The following FBLN7 variants were observed in gnomAD, a reference collection of about 807,000 sequenced individuals.
The protein encoded by FBLN7 is fibulin-7.
FBLN7 carries 31 observed loss-of-function variants against 44.0 expected under a neutral mutation model. That is an observed-to-expected ratio of 0.70 (90% CI 0.53 to 0.95). The LOEUF (loss-of-function observed/expected upper bound fraction) is 0.95, where lower values mean the gene tolerates loss of function less well. FBLN7 is among the 40% of genes least tolerant of loss of function. The probability of loss-of-function intolerance (pLI) is 0.00; values close to 1 mark genes in which losing one functional copy is unlikely to be tolerated. For missense variants in FBLN7, 573 were observed against 618.5 expected (o/e 0.93, Z 0.78); for synonymous variants, 262 against 253.4 (o/e 1.03, Z -0.32).
At chr2:112,226,073 C>T in the FBLN7 span, among the ~76,000 whole-genome samples, 2 of 151,020 alleles carry the variant, frequency 1.3e-5, no homozygotes, top group African/African-American at 2.4e-5. Context: ...CAGAGCAAGA[C>T]TTCATCTCAA....
At chr2:112,180,712 A>G (rs551202573) in intron 4 of FBLN7, among the ~76,000 whole-genome samples, 17 of 152,208 alleles carry the variant, frequency 1.1e-4, no homozygotes, top group Middle Eastern at 3.4e-3. Context: ...CGAAGTCAGG[A>G]GATCAAGACC....
At position 112,165,015 on chromosome 2, in the gene FBLN7, C is replaced by G. The variant is rs1220195064; in HGVS notation, c.250C>G (p.Leu84Val). 3 of 1,614,152 alleles carry G rather than the reference C, an allele frequency of 1.9e-6. No homozygotes were observed. In the Admixed American group the frequency reaches 5.0e-5, roughly 27 times the overall value. Residue 84 changes from leucine (L) to valine (V), a missense_variant, in exon 3 of 8, where the codon CTG (leucine) becomes GTG (valine). Physicochemically the swap from Leu to Val is conservative, Grantham distance 32. Transcript: ENST00000331203. ...PDALPVSCPALNTPADGRKFG... is the reference protein window; with the variant it reads ...PDALPVSCPAVNTPADGRKFG... ...TCTCCTTACAGTTTCCTGCCCGGCTCTGAACACCCCCGCAGACGGCAGAAA... is the reference window on the plus strand; with the variant it reads ...TCTCCTTACAGTTTCCTGCCCGGCTGTGAACACCCCCGCAGACGGCAGAAA...
At chr2:112,228,550 A>G in the FBLN7 span, among the ~76,000 whole-genome samples, 1 of 152,156 alleles carries the variant, frequency 6.6e-6, no homozygotes, top group Non-Finnish European at 1.5e-5. Flanking sequence ...CATGTAAAAA[A>G]AAGTTTTGCC....
At chr2:112,225,138 CTT>C in the FBLN7 span, among the ~76,000 whole-genome samples, 3 of 152,034 alleles carry the variant, frequency 2.0e-5, no homozygotes, top group Non-Finnish European at 4.4e-5. Flanking sequence ...TTTCCTGAGA[CTT>C]TGCTGAATTT....
chr2:112,203,310 C>T, the FBLN7 span, among the ~76,000 whole-genome samples: 5 of 152,162 alleles, frequency 3.3e-5, no homozygotes, highest in Admixed American at 3.3e-4. Flanking sequence ...TCTATGAAGA[C>T]TGGAAGACTC....
chr2:112,185,475 T>C, intron 7 of FBLN7, 136 bp downstream of exon 7: 1 of 1,211,090 alleles, frequency 8.3e-7, no homozygotes. Context: ...GAGGCTGGTG[T>C]CTCTGAATTT....
chr2:112,213,946 ATT>A, the FBLN7 span: 12 of 134,744 alleles, frequency 8.9e-5, no homozygotes, highest in East Asian at 4.3e-4. Context: ...CCACTTAAGA[ATT>A]TTTTTTTTTT....
chr2:112,146,774 T>C (rs1407466086), intron 1 of FBLN7, among the ~76,000 whole-genome samples: 1 of 152,212 alleles, frequency 6.6e-6, no homozygotes, highest in African/African-American at 2.4e-5. Flanking sequence ...TACTTCTTCC[T>C]TTTTAATGTA....
At chr2:112,204,938 A>C in the FBLN7 span, among the ~76,000 whole-genome samples, 1 of 152,160 alleles carries the variant, frequency 6.6e-6, no homozygotes, top group Non-Finnish European at 1.5e-5. Context: ...GACACTGTTA[A>C]ATTTTACCTT....
the FBLN7 span, among the ~76,000 whole-genome samples, chr2:112,196,374 C>CTTTTTTTTTTTTT: frequency 1.6e-5 from 1 of 63,256 alleles, no homozygotes; most frequent in Non-Finnish European, 2.8e-5. Context: ...TCTTCTTCTT[C>CTTTTTTTTTTTTT]TTTTTTTTTT....
chr2:112,171,450 A>G (rs1199394389), intron 3 of FBLN7, among the ~76,000 whole-genome samples: 1 of 152,124 alleles, frequency 6.6e-6, no homozygotes, highest in Admixed American at 6.5e-5. Context: ...AGAAGGGAGC[A>G]GAGCTTCAGT....
intron 3 of FBLN7, 79 bp from the exon 4 acceptor site, chr2:112,175,635 C>T (rs1682701909): frequency 1.3e-6 from 2 of 1,545,898 alleles, no homozygotes; most frequent in Admixed American, 1.7e-5. Flanking sequence ...AGGAAGTTAA[C>T]CCTTCATCAG....
chr2:112,191,762 A>G (rs1683498649), downstream of FBLN7, among the ~76,000 whole-genome samples: 2 of 152,218 alleles, frequency 1.3e-5, no homozygotes, highest in Admixed American at 6.5e-5. Context: ...CCAAACTAGA[A>G]TCAGGATTTA....
At chr2:112,218,761 A>G in the FBLN7 span, among the ~76,000 whole-genome samples, 1 of 152,192 alleles carries the variant, frequency 6.6e-6, no homozygotes, top group African/African-American at 2.4e-5. Context: ...GGCTATTATT[A>G]GTTATGATTT....
chr2:112,211,120 T>C, the FBLN7 span, among the ~76,000 whole-genome samples: 9 of 152,210 alleles, frequency 5.9e-5, no homozygotes, highest in Non-Finnish European at 2.9e-5. Context: ...TCAAGGCTAA[T>C]AGCAGAATCT....
intron 2 of FBLN7, among the ~76,000 whole-genome samples, chr2:112,161,969 A>G (rs1681897028): frequency 6.6e-6 from 1 of 152,144 alleles, no homozygotes; most frequent in Admixed American, 6.5e-5. Context: ...CCGCACCTGG[A>G]GGAAAGCCAG....
At chr2:112,154,658 G>A (rs1321266695) in intron 1 of FBLN7, among the ~76,000 whole-genome samples, 3 of 152,148 alleles carry the variant, frequency 2.0e-5, no homozygotes, top group African/African-American at 2.4e-5. Context: ...GGGTCCGGCC[G>A]GCTTCCTGTC....
At chr2:112,176,973 G>A (rs1371265330) in intron 4 of FBLN7, 1 of 147,518 alleles carries the variant, frequency 6.8e-6, no homozygotes, top group East Asian at 2.0e-4. Flanking sequence ...TCACTCTGTT[G>A]CCCAGGCTGG....
At chr2:112,214,000 C>G in the FBLN7 span, 1 of 143,226 alleles carries the variant, frequency 7.0e-6, no homozygotes, top group African/African-American at 2.6e-5. Context: ...GGCTGGAGTG[C>G]AGTGGTGCGA....
Sources: gnomAD v4.1 joint callset for allele counts (sites outside exome capture counted in the v4.1 genomes callset) on GRCh38, gnomAD v4.1.1 for gene constraint, MANE v1.5 for transcripts, NCBI Gene and HGNC (gene_info 2026-07-23, HGNC 2026-07-21) for gene names.